SLC38A6: variants seen among roughly 807,000 people sequenced by gnomAD.
SLC38A6 encodes solute carrier family 38 member 6, also known as N system amino acid transporter NAT-1.
In SLC38A6, 73 loss-of-function variants were observed where a neutral mutation model predicts 65.0. The observed-to-expected ratio is 1.12, with a 90% CI of 0.93 to 1.37. The LOEUF (loss-of-function observed/expected upper bound fraction) is 1.37, where lower values mean the gene tolerates loss of function less well. Ranked by LOEUF, SLC38A6 falls within the 40% of genes most tolerant of loss-of-function variation. SLC38A6 has a pLI of 0.00. For synonymous variants in SLC38A6, 183 were observed against 178.8 expected, an observed-to-expected ratio of 1.02 and a Z score of -0.19; for missense variants, 561 against 531.1, an observed-to-expected ratio of 1.06 and a Z score of -0.55.
At chr14:61,046,215 T>C in intron 12 of SLC38A6, 48 bp downstream of exon 12, 4 of 1,239,140 alleles carry the variant, frequency 3.2e-6, no homozygotes, top group Non-Finnish European at 4.7e-6. Flanking sequence ...GTTACATAGA[T>C]GGCCTCACGC....
chr14:60,991,474 T>C (rs1244421433), intron 3 of SLC38A6, among the ~76,000 whole-genome samples: 1 of 152,200 alleles, frequency 6.6e-6, no homozygotes, highest in Non-Finnish European at 1.5e-5. Flanking sequence ...TAAAGTAACT[T>C]GTCCAAGAGA....
At chr14:61,033,555 A>C (rs187802686) in intron 6 of SLC38A6, among the ~76,000 whole-genome samples, 67 of 152,220 alleles carry the variant, frequency 4.4e-4, no homozygotes, top group African/African-American at 1.5e-3. Context: ...TGAAATGCTT[A>C]TTTACAAAAT....
chr14:61,007,149 A>G (rs1406492960), intron 3 of SLC38A6, among the ~76,000 whole-genome samples: 1 of 152,080 alleles, frequency 6.6e-6, no homozygotes, highest in Non-Finnish European at 1.5e-5. Flanking sequence ...CAGGAAGGGG[A>G]ACATCACACT....
At position 61,050,507 on chromosome 14, in the gene SLC38A6, TACAG is replaced by T. The variant is rs752341368; in HGVS notation, c.926-1_928del. ...ATAATGTGATCCTTATTATTTTATT[TACAG>T]ACAAAGTGGAGTCAGAATTACTAAA... On this transcript the variant is annotated splice_acceptor_variant and splice_polypyrimidine_tract_variant and intron_variant, in intron 12 of 15. Transcript: ENST00000267488. LOFTEE classifies it high-confidence loss of function. 9.3e-6 allele frequency: 14 copies of T among 1,501,510 alleles called. No individual in the cohort carries two copies. Among genetic ancestry groups the T allele is most frequent in the Middle Eastern group, 1.8e-4 (1 of 5,652 alleles). 93.0% of individuals were successfully genotyped at this position (1,501,510 alleles called of 1,614,324 possible).
Position 61,030,507 on chromosome 14 carries a change from A to T in SLC38A6, c.466A>T (p.Thr156Ser). 6.2e-7 allele frequency: 1 copy of T among 1,609,410 alleles called. No individual in the cohort carries two copies. The highest frequency in any genetic ancestry group is 8.5e-7 in the Non-Finnish European group (1 of 1,177,222). ...ELPAAIAEFLTGDYSRYWYLD... is the reference protein window; with the variant it reads ...ELPAAIAEFLSGDYSRYWYLD... ...TCCTGCTGCTATTGCAGAATTTTTG[A>T]CTGGAGACTATAGTAGGTAAGAAAA... is the stretch of plus-strand genomic sequence containing the variant. The change falls in exon 6 of 16, where the codon ACT becomes TCT. Residue 156 changes from threonine to serine, a missense_variant. Thr to Ser is a moderately conservative substitution (Grantham distance 58, BLOSUM62 1). Transcript: ENST00000267488.
chr14:61,029,069 G>GT (rs1333878853), intron 5 of SLC38A6, among the ~76,000 whole-genome samples: 2 of 151,036 alleles, frequency 1.3e-5, no homozygotes, highest in African/African-American at 4.9e-5. Flanking sequence ...CTTAGCTTTT[G>GT]TAAGTTTTGT....
chr14:61,001,866 TAGTC>T (rs2038732183), intron 3 of SLC38A6, among the ~76,000 whole-genome samples: 1 of 152,224 alleles, frequency 6.6e-6, no homozygotes, highest in African/African-American at 2.4e-5. Context: ...CCATCAACTT[TAGTC>T]AGTATCTTTT....
intron 16 of SLC38A6, among the ~76,000 whole-genome samples, chr14:61,080,805 C>G (rs1273563138): frequency 1.3e-5 from 2 of 152,218 alleles, no homozygotes; most frequent in Non-Finnish European, 2.9e-5. Flanking sequence ...CAGAATCCCC[C>G]TGTGCATGTT....
At chr14:61,073,167 ATTTG>A (rs954857195) in intron 15 of SLC38A6, among the ~76,000 whole-genome samples, 5 of 152,122 alleles carry the variant, frequency 3.3e-5, no homozygotes, top group East Asian at 1.9e-4. Context: ...TCTGTTAGCC[ATTTG>A]TTTGTCCTCT....
At chr14:61,079,133 CTTTTTTTTTT>C (rs34713691) in intron 16 of SLC38A6, among the ~76,000 whole-genome samples, 1 of 93,902 alleles carries the variant, frequency 1.1e-5, no homozygotes, top group African/African-American at 4.7e-5. Context: ...TGCCTCCAAA[CTTTTTTTTTT>C]TTTTTTTTTT....
chr14:61,007,363 C>G lies in SLC38A6; in HGVS notation c.311-8541C>G, dbSNP rs867005348. 2.6e-4 allele frequency among the ~76,000 whole-genome samples: 39 copies of G among 151,978 alleles called. No individual in the cohort carries two copies. The Middle Eastern group carries it at 0.014, about 53-fold the overall frequency. ...TAAAAGAACAGACCAGATGCAGTGG[C>G]TCACACCAGTAATCCCAGCACTTTG... On this transcript the variant is annotated intron_variant, in intron 3 of 15. Transcript: ENST00000267488.
chr14:61,042,838 A>G (rs997246498), intron 8 of SLC38A6, among the ~76,000 whole-genome samples: 4 of 152,138 alleles, frequency 2.6e-5, no homozygotes, highest in African/African-American at 7.2e-5. Context: ...TGAAAACATC[A>G]TGTTCCTGTT....
At chr14:61,006,754 A>C (rs943106511) in intron 3 of SLC38A6, among the ~76,000 whole-genome samples, 5 of 152,234 alleles carry the variant, frequency 3.3e-5, no homozygotes, top group African/African-American at 9.6e-5. Context: ...CCATTGTGGA[A>C]GTCAGTGTGG....
intron 1 of SLC38A6, among the ~76,000 whole-genome samples, chr14:60,981,851 G>C (rs367668385): frequency 9.2e-5 from 14 of 152,296 alleles, no homozygotes; most frequent in Admixed American, 5.2e-4. Flanking sequence ...TTGGTAGTAA[G>C]TGCATAGCAC....
chr14:61,075,925 G>A lies in SLC38A6; in HGVS notation c.1291-2885G>A, dbSNP rs1017703877. Reference sequence around the variant, plus strand: ...GACTGGAGTGCAATGCTGTGATCTCGGCTCACTGTAACCTCCACCTCCCAG... The same window carrying A: ...GACTGGAGTGCAATGCTGTGATCTCAGCTCACTGTAACCTCCACCTCCCAG... On this transcript the variant is annotated intron_variant, in intron 15 of 16. Coordinates refer to the SLC38A6 transcript ENST00000354886. 1.1e-4 allele frequency among the ~76,000 whole-genome samples: 16 copies of A among 151,684 alleles called. 1 individual carries two copies. In the Middle Eastern group the frequency reaches 0.02, roughly 193 times the overall value.
rs766873599 is a variant in SLC38A6, at chr14:61,052,414, T to C, written c.1356T>C (p.Asp452=). Residue 452 remains aspartate (D), a synonymous_variant, in exon 16 of 16, where the codon GAT becomes GAC. Coordinates refer to ENST00000267488, the MANE Select transcript of SLC38A6 (RefSeq NM_153811.3). The stretch of plus-strand genomic sequence containing the variant: ...TTAGTTTAGCACTCATCATTTTTGA[T>C]TGGATTAATAAATAAAAGAAATATT... ...GNFSLALIIF[D]WINK is the part of the protein sequence containing the mutation. 1 of 1,568,550 alleles carries C rather than the reference T, an allele frequency of 6.4e-7. No individual in the cohort carries two copies.
Position 61,051,858 on chromosome 14 carries a change from T to G in SLC38A6, c.1122T>G (p.Thr374=), listed in dbSNP as rs376984170. The G allele has an allele frequency of 3.1e-6, 5 of 1,612,558 alleles. No individual in the cohort carries two copies. In the African/African-American group the frequency reaches 6.7e-5, roughly 22 times the overall value. ...CATGGATTCGCCATTTTTTGATCAC[T>G]CTAGCACTCAATATTATCATCGTTT... ...PFSWIRHFLI[T]LALNIIIVLL... The change falls in exon 14 of 16, where the codon ACT becomes ACG. Residue 374 remains threonine (T), a synonymous_variant. Transcript: ENST00000267488.
intron 15 of SLC38A6, among the ~76,000 whole-genome samples, chr14:61,077,218 A>G (rs1001727085): frequency 5.9e-5 from 9 of 152,234 alleles, no homozygotes; most frequent in African/African-American, 2.2e-4. Context: ...AAACTTTCTC[A>G]TAGACCAACA....
chr14:60,981,921 C>G (rs1194928535), intron 1 of SLC38A6, among the ~76,000 whole-genome samples: 1 of 152,206 alleles, frequency 6.6e-6, no homozygotes, highest in Non-Finnish European at 1.5e-5. Context: ...GTCCTAGACA[C>G]TGTTCCCAGG....
Sources: allele counts gnomAD v4.1 joint callset (sites outside exome capture counted in the v4.1 genomes callset), GRCh38; gene constraint gnomAD v4.1.1; transcripts MANE v1.5; gene names NCBI Gene and HGNC (gene_info 2026-07-23, HGNC 2026-07-21).